Variants in COL5A3 observed in about 807,000 individuals in gnomAD.
COL5A3 encodes the protein collagen type V alpha 3 chain, also known as collagen alpha-3(V) chain.
A neutral mutation model predicts 250.0 loss-of-function variants in COL5A3; 172 were observed. The ratio of observed to expected loss-of-function variants is 0.69; its 90% confidence interval spans 0.61 to 0.78. The LOEUF is 0.78. Ranked by LOEUF, COL5A3 falls within the 30% of genes least tolerant of loss-of-function variation. The pLI is 0.00. For synonymous variants in COL5A3, 937 were observed against 900.4 expected (o/e 1.04, Z -0.73); for missense variants, 2,340 against 2,334.4 (o/e 1.00, Z -0.05).
chr19:9,985,777 C>T, intron 31 of COL5A3, 65 bp downstream of exon 31: 4 of 1,441,632 alleles, frequency 2.8e-6, no homozygotes, highest in South Asian at 2.3e-5. Flanking sequence ...ACAGCCTGGA[C>T]CCCCAGATGT....
intron 53 of COL5A3, 131 bp downstream of exon 53, chr19:9,970,842 CAG>C (rs1447805645): frequency 1.9e-6 from 2 of 1,079,274 alleles, no homozygotes; most frequent in Non-Finnish European, 2.6e-6. Context: ...TGGGGGTCCC[CAG>C]AGAGGTGAAG....
chr19:9,989,256 C>T, intron 26 of COL5A3, 66 bp downstream of exon 26: 2 of 1,610,144 alleles, frequency 1.2e-6, no homozygotes, highest in East Asian at 2.2e-5. Context: ...TCCTCTGTGG[C>T]CCCTGACTGC....
intron 65 of COL5A3, among the ~76,000 whole-genome samples, chr19:9,962,047 A>G (rs2086681271): frequency 6.6e-6 from 1 of 152,154 alleles, no homozygotes; most frequent in Non-Finnish European, 1.5e-5. Context: ...TGTACTATAA[A>G]TGTAAAATCT....
intron 16 of COL5A3, among the ~76,000 whole-genome samples, chr19:9,995,108 A>G (rs924387862): frequency 6.6e-6 from 1 of 152,066 alleles, no homozygotes; most frequent in Non-Finnish European, 1.5e-5. Context: ...GGGTTTCCCC[A>G]TGTTGGCCAG....
At chr19:9,993,176 C>A (rs1248019997) in intron 19 of COL5A3, 109 bp from the exon 20 acceptor site, 1 of 1,255,918 alleles carries the variant, frequency 8.0e-7, no homozygotes, top group Non-Finnish European at 1.1e-6. Context: ...GACCAGGATC[C>A]CTGGGAACCT....
chr19:9,979,473 C>G, intron 37 of COL5A3, 56 bp from the exon 38 acceptor site: 1 of 1,576,198 alleles, frequency 6.3e-7, no homozygotes, highest in Non-Finnish European at 8.7e-7. Flanking sequence ...GATGGAGGAG[C>G]AGGAGACAGG....
At position 9,960,347 on chromosome 19, in the gene COL5A3, A is replaced by G. The variant is rs1177620651; in HGVS notation, c.*64T>C. 6.3e-7 allele frequency: 1 copy of G among 1,598,242 alleles called. No homozygotes were observed. The highest frequency in any genetic ancestry group is 8.6e-7 in the Non-Finnish European group (1 of 1,169,398). ...GTAACGAAAAATACGGTGGCTTCAA[A>G]GCCTCAGCACCAAATGCACCCCATT... On this transcript the variant is annotated 3_prime_UTR_variant, in exon 67 of 67. Transcript: ENST00000264828.
chr19:9,994,882 T>C (rs767262520), intron 16 of COL5A3, among the ~76,000 whole-genome samples: 3 of 151,834 alleles, frequency 2.0e-5, no homozygotes. Flanking sequence ...AATACAGTAT[T>C]ATAATCTCAT....
chr19:9,971,086 T>G, intron 52 of COL5A3, 58 bp from the exon 53 acceptor site: 1 of 1,461,550 alleles, frequency 6.8e-7, no homozygotes, highest in Non-Finnish European at 9.1e-7. Context: ...GAATTTGGGA[T>G]GGGGCTGGGA....
chr19:9,993,874 C>T, intron 16 of COL5A3, 68 bp from the exon 17 acceptor site: 1 of 1,390,848 alleles, frequency 7.2e-7, no homozygotes, highest in Non-Finnish European at 1.0e-6. Context: ...AATTAGGAAC[C>T]CAACTTCATC....
chr19:9,968,468 T>C lies in COL5A3; in HGVS notation c.4231A>G (p.Ile1411Val), dbSNP rs1489783972. 3 of 1,587,742 alleles carry C rather than the reference T, an allele frequency of 1.9e-6. No homozygotes were observed. Among genetic ancestry groups the C allele is most frequent in the South Asian group, 2.3e-5 (2 of 86,586 alleles). Residue 1411 changes from isoleucine (I) to valine (V), a missense_variant, in exon 59 of 67, where the codon ATT (isoleucine) becomes GTT (valine). Ile to Val is a conservative substitution (Grantham distance 29). Coordinates refer to ENST00000264828, the MANE Select transcript of COL5A3 (RefSeq NM_015719.4). This position sits in a 1 kb window ranked among gnomAD's most constrained non-coding sequence, Gnocchi z 4.1. ...TCACCAGCTTCTCCCGGGGGGCCAA[T>C]GAGACCGATCAATCCAATGTGGCCC... ...EKGHIGLIGL[I>V]GPPGEAGEKG...
In COL5A3 at chr19:9,996,636, C is replaced by T. The variant is rs370072469; in HGVS notation, c.1317G>A (p.Pro439=). ...TTACCGGCATCATGATCACAGTGCC[C>T]GGTGGGCCTCGGATCCCATCAATGC... is the stretch of plus-strand genomic sequence containing the variant. ...IPGIDGIRGP[P]GTVIMMPFQF... is the part of the protein sequence containing the mutation. The change falls in exon 12 of 67, where the codon CCG becomes CCA. Residue 439 remains proline, a synonymous_variant. Transcript: ENST00000264828. The T allele has an allele frequency of 2.5e-5, 41 of 1,613,222 alleles. No individual in the cohort carries two copies. The highest frequency in any genetic ancestry group is 2.9e-5 in the Non-Finnish European group (34 of 1,179,808).
At chr19:9,976,401 G>GATTCTGGGATTGACTCCA (rs1255044996) in intron 45 of COL5A3, among the ~76,000 whole-genome samples, 157 bp downstream of exon 45, 28 of 152,154 alleles carry the variant, frequency 1.8e-4, no homozygotes, top group Non-Finnish European at 3.2e-4. Context: ...GATTGACTCC[G>GATTCTGGGATTGACTCCA]ATTCTTGGAT....
chr19:9,971,327 C>G lies in COL5A3; in HGVS notation c.3775-69G>C, dbSNP rs572590463. The G allele has an allele frequency of 5.3e-4, 632 of 1,199,090 alleles. 12 individuals carry two copies. The highest frequency in any genetic ancestry group is 4.5e-3 in the South Asian group (308 of 67,964). 74.3% of individuals were successfully genotyped at this position (1,199,090 alleles called of 1,614,324 possible). On this transcript the variant is annotated intron_variant, in intron 51 of 66. Transcript: ENST00000264828. ...GCAATCATGCATTTATGGAACAGAT[C>G]AACTGTATCCAGGAACAGTTTGGTT... is the stretch of plus-strand genomic sequence containing the variant.
intron 32 of COL5A3, 124 bp downstream of exon 32, chr19:9,981,941 G>T: frequency 1.3e-6 from 1 of 764,176 alleles, no homozygotes; most frequent in Non-Finnish European, 2.4e-6. Context: ...AATAGCATGT[G>T]TGCACACAAA....
Position 9,977,419 on chromosome 19 carries a change from C to T in COL5A3, c.3180G>A (p.Leu1060=), listed in dbSNP as rs777005386. The change falls in exon 43 of 67, where the codon CTG becomes CTA. Residue 1060 remains leucine (L), a synonymous_variant. Transcript: ENST00000264828. ...PTGKDGIPGP[L]GPLGPPGAAG... Reference sequence around the variant, plus strand: ...CAGCTCCAGGGGGTCCCAGAGGCCCCAGGGGCCCTGGGATCCCATCTTTGC... The same window carrying T: ...CAGCTCCAGGGGGTCCCAGAGGCCCTAGGGGCCCTGGGATCCCATCTTTGC... The T allele has an allele frequency of 6.5e-7, 1 of 1,532,472 alleles. No homozygotes were observed. Among genetic ancestry groups the T allele is most frequent in the Non-Finnish European group, 8.8e-7 (1 of 1,141,850 alleles). 94.9% of individuals were successfully genotyped at this position (1,532,472 alleles called of 1,614,324 possible). A position where few individuals can be genotyped will look rare whatever the true frequency, so the allele number is the denominator to read the frequency against.
chr19:9,995,056 C>T (rs149613725), intron 16 of COL5A3, among the ~76,000 whole-genome samples: 1,534 of 152,132 alleles, frequency 0.01, 18 homozygotes, highest in African/African-American at 0.026. Flanking sequence ...TACAGGCGCA[C>T]GCTGCCATGC....
At position 9,960,121 on chromosome 19, in the gene COL5A3, TG is replaced by T. The variant is rs1175951267; in HGVS notation, c.*289del. The stretch of plus-strand genomic sequence containing the variant: ...AGCTCTGAGTTAGAAGCTCATTGCA[TG>T]GGGGTTCAAGGGGTGGGGAGGTGAG... On this transcript the variant is annotated 3_prime_UTR_variant, in exon 67 of 67. Transcript: ENST00000264828. 2 of 306,856 alleles carry T rather than the reference TG, an allele frequency of 6.5e-6. No individual in the cohort carries two copies. The highest frequency in any genetic ancestry group is 1.1e-5 in the Non-Finnish European group (2 of 179,742). 19.0% of individuals were successfully genotyped at this position (306,856 alleles called of 1,614,324 possible).
chr19:10,006,049 C>A (rs779558479), intron 2 of COL5A3, 24 bp downstream of exon 2: 1 of 1,612,408 alleles, frequency 6.2e-7, no homozygotes, highest in South Asian at 1.1e-5. Context: ...CGGGGAGGTA[C>A]CCAGGCCTCC....
Sources: gnomAD v4.1 joint callset for allele counts (sites outside exome capture counted in the v4.1 genomes callset) on GRCh38, gnomAD v4.1.1 for gene constraint, Gnocchi (gnomAD v3.1) non-coding constraint, MANE v1.5 for transcripts, NCBI Gene and HGNC (gene_info 2026-07-23, HGNC 2026-07-21) for gene names.